ADGRD1: variants seen among roughly 807,000 people sequenced by gnomAD.
ADGRD1 encodes the protein adhesion G protein-coupled receptor D1, also known as G-protein coupled receptor 133.
ADGRD1 carries 77 observed loss-of-function variants against 113.4 expected under a neutral mutation model. The observed-to-expected ratio is 0.68, with a 90% CI of 0.57 to 0.82. ADGRD1 has a LOEUF of 0.82. ADGRD1 is among the 40% of genes least tolerant of loss of function. ADGRD1 has a pLI of 0.00. For synonymous variants in ADGRD1, 474 were observed against 475.0 expected (o/e 1.00, Z 0.03); for missense variants, 1,036 against 1,139.1 (o/e 0.91, Z 1.30).
At chr12:130,981,556 C>T (rs1001797168) in intron 4 of ADGRD1, among the ~76,000 whole-genome samples, 5 of 152,138 alleles carry the variant, frequency 3.3e-5, no homozygotes, top group Admixed American at 6.5e-5. Context: ...CTGCCTGGGG[C>T]TGCAGCGATC....
chr12:131,131,597 G>A (rs542347202), intron 20 of ADGRD1, 128 bp from the exon 21 acceptor site: 328 of 648,068 alleles, frequency 5.1e-4, no homozygotes, highest in Non-Finnish European at 6.3e-4. Flanking sequence ...TCCCAGTGAT[G>A]CCCCTGTGTC....
intron 13 of ADGRD1, among the ~76,000 whole-genome samples, chr12:131,036,385 G>A (rs1189598423): frequency 3.5e-5 from 5 of 144,704 alleles, no homozygotes; most frequent in Admixed American, 2.1e-4. Flanking sequence ...TCACTGCACT[G>A]GGTCTTACTC....
intron 2 of ADGRD1, chr12:130,957,764 G>A (rs1869829798): frequency 6.6e-6 from 1 of 152,244 alleles, no homozygotes; most frequent in Non-Finnish European, 1.5e-5. Context: ...CAGTAGAAAG[G>A]GACGGAAGGG....
chr12:131,008,372 C>T (rs898933994), intron 12 of ADGRD1, among the ~76,000 whole-genome samples: 1 of 152,234 alleles, frequency 6.6e-6, no homozygotes, highest in Admixed American at 6.5e-5. Flanking sequence ...GTATTGTGTG[C>T]TGTCATCCTC....
intron 14 of ADGRD1, among the ~76,000 whole-genome samples, chr12:131,078,249 T>A (rs913263085): frequency 5.9e-5 from 9 of 152,220 alleles, no homozygotes; most frequent in African/African-American, 2.2e-4. Context: ...TTATCTCTGT[T>A]CTGTGAACAG....
intron 18 of ADGRD1, among the ~76,000 whole-genome samples, chr12:131,115,142 T>G (rs185439887): frequency 1.3e-5 from 2 of 152,220 alleles, no homozygotes; most frequent in East Asian, 3.9e-4. Context: ...ACAGCTTCCA[T>G]CCCTCTTTGG....
At chr12:131,012,969 A>T (rs1055000809) in intron 12 of ADGRD1, among the ~76,000 whole-genome samples, 3 of 152,166 alleles carry the variant, frequency 2.0e-5, no homozygotes, top group African/African-American at 7.2e-5. Context: ...CATGGAACAG[A>T]TACTTGGTGA....
At chr12:131,121,036 C>T (rs1420662451) in intron 20 of ADGRD1, 123 bp downstream of exon 20, 8 of 822,702 alleles carry the variant, frequency 9.7e-6, no homozygotes, top group Admixed American at 4.8e-5. Flanking sequence ...CGTCGTTCCT[C>T]GGTCACTCCT....
chr12:130,981,291 G>C (rs1005599125), intron 4 of ADGRD1: 6 of 152,204 alleles, frequency 3.9e-5, no homozygotes, highest in African/African-American at 1.2e-4. Context: ...TTTAGAATGC[G>C]CCGCTGTGCA....
At chr12:131,098,142 C>T (rs1323633105) in intron 15 of ADGRD1, among the ~76,000 whole-genome samples, 2 of 137,734 alleles carry the variant, frequency 1.5e-5, no homozygotes, top group African/African-American at 5.2e-5. Context: ...CCGCGGTGGC[C>T]GCTGTCTGGG....
chr12:131,070,010 C>T (rs915220002), intron 13 of ADGRD1: 3 of 152,216 alleles, frequency 2.0e-5, no homozygotes, highest in Non-Finnish European at 4.4e-5. Context: ...CACGACGATC[C>T]GATGTGGAGG....
At chr12:131,068,481 T>C (rs962283665) in intron 13 of ADGRD1, among the ~76,000 whole-genome samples, 1 of 152,282 alleles carries the variant, frequency 6.6e-6, no homozygotes, top group East Asian at 1.9e-4. Flanking sequence ...GGTACCATGA[T>C]GACTTTTCCA....
intron 7 of ADGRD1, among the ~76,000 whole-genome samples, chr12:130,991,442 G>A (rs1013962997): frequency 1.3e-5 from 2 of 152,058 alleles, no homozygotes; most frequent in Non-Finnish European, 2.9e-5. Context: ...AAAAATTCTT[G>A]TCTGGAATTA....
At chr12:130,997,376 T>G (rs1593323812) in intron 8 of ADGRD1, among the ~76,000 whole-genome samples, 4 of 105,170 alleles carry the variant, frequency 3.8e-5, no homozygotes, top group East Asian at 2.5e-4. Context: ...ACGGGGTGGC[T>G]GCCGGGCGGA....
chr12:131,109,315 C>T (rs1419570893), intron 18 of ADGRD1, among the ~76,000 whole-genome samples: 1 of 151,998 alleles, frequency 6.6e-6, no homozygotes. Flanking sequence ...TTAGTTTCTT[C>T]TTCTTTTCCA....
At chr12:131,085,603 G>A (rs955171279) in intron 15 of ADGRD1, among the ~76,000 whole-genome samples, 1 of 152,172 alleles carries the variant, frequency 6.6e-6, no homozygotes, top group African/African-American at 2.4e-5. Flanking sequence ...AGTGGAAGGA[G>A]GTGTTGCTGC....
Position 131,003,161 on chromosome 12 carries a change from C to A in ADGRD1, c.1027-24C>A. On this transcript the variant is annotated intron_variant, in intron 9 of 24. Coordinates refer to ENST00000261654, the MANE Select transcript of ADGRD1 (RefSeq NM_198827.5). This position sits in a 1 kb window ranked among gnomAD's most constrained non-coding sequence, Gnocchi z 4.8. ...GGCTGAGTGGGGTGGATTTTCATGG[C>A]TCCTGGTGCTTGTGTTGCTGCAGGA... 6.4e-7 allele frequency: 1 copy of A among 1,572,080 alleles called. No individual in the cohort carries two copies. Among genetic ancestry groups the A allele is most frequent in the Non-Finnish European group, 8.8e-7 (1 of 1,141,894 alleles).
intron 13 of ADGRD1, among the ~76,000 whole-genome samples, chr12:131,016,839 G>A (rs1878624712): frequency 6.6e-6 from 1 of 151,804 alleles, no homozygotes; most frequent in Non-Finnish European, 1.5e-5. Context: ...GTTGCAGTGA[G>A]CAGAGATCGG....
At chr12:131,018,435 T>C (rs1878902123) in intron 13 of ADGRD1, among the ~76,000 whole-genome samples, 1 of 147,244 alleles carries the variant, frequency 6.8e-6, no homozygotes, top group Non-Finnish European at 1.5e-5. Flanking sequence ...GATCGGTTCA[T>C]CCCCGCGGTT....
Sources: gnomAD v4.1 joint callset for allele counts (sites outside exome capture counted in the v4.1 genomes callset) on GRCh38, gnomAD v4.1.1 for gene constraint, Gnocchi (gnomAD v3.1) non-coding constraint, MANE v1.5 for transcripts, NCBI Gene and HGNC (gene_info 2026-07-23, HGNC 2026-07-21) for gene names.